The following USP22 variants were observed in gnomAD, a reference collection of about 807,000 sequenced individuals.
USP22 encodes ubiquitin specific peptidase 22, also known as ubiquitin carboxyl-terminal hydrolase 22.
A neutral mutation model predicts 68.1 loss-of-function variants in USP22; 22 were observed. The observed-to-expected ratio is 0.32, with a 90% CI of 0.23 to 0.46. The LOEUF (loss-of-function observed/expected upper bound fraction) is 0.46, where lower values mean the gene tolerates loss of function less well. USP22 is among the 20% of genes least tolerant of loss of function. The probability of loss-of-function intolerance (pLI) is 1.00; values close to 1 mark genes in which losing one functional copy is unlikely to be tolerated. For missense variants in USP22, 433 were observed against 695.8 expected (o/e 0.62, Z 4.25); for synonymous variants, 279 against 274.2 (o/e 1.02, Z -0.17).
chr17:21,017,982 C>T lies in USP22; in HGVS notation c.650G>A (p.Ser217Asn). ...DRHRCEMQSP[S>N]SCLVCEMSSL... Reference sequence around the variant, plus strand: ...GGACATCTCACAGACCAGACAGGAGCTGGGGCTCTGCATCTCACAGCGGTG... The same window carrying T: ...GGACATCTCACAGACCAGACAGGAGTTGGGGCTCTGCATCTCACAGCGGTG... Residue 217 changes from serine to asparagine, a missense_variant, in exon 5 of 13, where the codon AGC (serine) becomes AAC (asparagine). By Grantham distance (46) the Ser-to-Asn change is conservative. Coordinates refer to ENST00000261497, the MANE Select transcript of USP22 (RefSeq NM_015276.2). 1.2e-6 allele frequency: 2 copies of T among 1,614,164 alleles called. No homozygotes were observed. The highest frequency in any genetic ancestry group is 4.5e-5 in the East Asian group (2 of 44,880).
At chr17:21,041,542 G>A (rs981354421) in intron 1 of USP22, among the ~76,000 whole-genome samples, 71 of 152,292 alleles carry the variant, frequency 4.7e-4, no homozygotes, top group African/African-American at 1.2e-3. Flanking sequence ...AGATTGTAGT[G>A]AGCCGAAATC....
chr17:21,037,070 G>A (rs1475277892), intron 1 of USP22, among the ~76,000 whole-genome samples: 3 of 152,344 alleles, frequency 2.0e-5, no homozygotes, highest in African/African-American at 4.8e-5. Context: ...AAGGGACACC[G>A]GAGCCAGCTG....
chr17:21,001,042 CAAAAAAA>C lies in USP22; in HGVS notation c.*1982_*1988del, dbSNP rs776556311. The C allele has an allele frequency of 9.2e-6, 1 of 108,872 alleles. No homozygotes were observed. The highest frequency in any genetic ancestry group is 3.4e-4 in the South Asian group (1 of 2,980). The allele number at this position is 108,872 out of a possible 1,614,324, so 6.7% of individuals were successfully genotyped here. ...CCAGCCTGGGCAACAAACTCCATCT[CAAAAAAA>C]AAAAAAAAAAGACTGCACATCCTCA... On this transcript the variant is annotated 3_prime_UTR_variant, in exon 13 of 13. Transcript: ENST00000261497.
chr17:21,028,153 C>T (rs1972245065), intron 2 of USP22, among the ~76,000 whole-genome samples: 1 of 152,162 alleles, frequency 6.6e-6, no homozygotes, highest in South Asian at 2.1e-4. Context: ...ATAAAATCAC[C>T]TATGCCCACC....
intron 5 of USP22, 126 bp from the exon 6 acceptor site, chr17:21,016,025 G>A (rs769000433): frequency 1.9e-5 from 23 of 1,239,082 alleles, no homozygotes; most frequent in African/African-American, 3.1e-5. Flanking sequence ...CAAATGTTTG[G>A]ATTTTACTTT....
At chr17:21,036,930 G>A (rs984744681) in intron 1 of USP22, among the ~76,000 whole-genome samples, 34 of 152,084 alleles carry the variant, frequency 2.2e-4, no homozygotes, top group African/African-American at 8.0e-4. Context: ...AAGAAACTAG[G>A]GATCCTTGGA....
chr17:21,032,922 C>CAAAAAAAAAAAAAAA (rs753804890), intron 1 of USP22, among the ~76,000 whole-genome samples: 15 of 91,570 alleles, frequency 1.6e-4, no homozygotes, highest in African/African-American at 8.1e-4. Flanking sequence ...GACCCTGTCT[C>CAAAAAAAAAAAAAAA]AAAAAAAAAA....
At chr17:21,003,118 G>T (rs1231100485) in intron 12 of USP22, 45 bp from the exon 13 acceptor site, 1 of 1,610,418 alleles carries the variant, frequency 6.2e-7, no homozygotes, top group Non-Finnish European at 8.5e-7. Context: ...TAACTCCTAA[G>T]ACAGGAGCCA....
chr17:21,025,862 G>A (rs1043511632), intron 2 of USP22, among the ~76,000 whole-genome samples: 2 of 152,230 alleles, frequency 1.3e-5, no homozygotes, highest in Non-Finnish European at 2.9e-5. Context: ...GCAGTGATCT[G>A]TTAACGACGC....
intron 2 of USP22, among the ~76,000 whole-genome samples, chr17:21,023,019 G>A (rs1209260885): frequency 6.6e-6 from 1 of 152,150 alleles, no homozygotes; most frequent in Non-Finnish European, 1.5e-5. Context: ...AGATCATGTC[G>A]TTTGCAGGAA....
intron 9 of USP22, 64 bp from the exon 10 acceptor site, chr17:21,007,051 C>A (rs9907786): frequency 0.29 from 414,730 of 1,422,410 alleles, 62,875 homozygotes; most frequent in Middle Eastern, 0.37. Context: ...CTGGAAGCTT[C>A]AGGGCCTTCT....
intron 1 of USP22, among the ~76,000 whole-genome samples, chr17:21,035,169 T>C (rs1391565482): frequency 6.6e-6 from 1 of 152,222 alleles, no homozygotes; most frequent in African/African-American, 2.4e-5. Flanking sequence ...ATTACACATG[T>C]ATGGGGAGCA....
intron 5 of USP22, 133 bp downstream of exon 5, chr17:21,017,809 G>A: frequency 8.7e-7 from 1 of 1,147,068 alleles, no homozygotes; most frequent in Non-Finnish European, 1.2e-6. Context: ...TAATAGACAT[G>A]TATATTAAAC....
At chr17:21,033,879 T>G (rs1040690996) in intron 1 of USP22, among the ~76,000 whole-genome samples, 3 of 151,476 alleles carry the variant, frequency 2.0e-5, no homozygotes, top group Admixed American at 1.3e-4. Context: ...CTCCCGAGTA[T>G]CTGGGACTAC....
chr17:21,020,279 A>C (rs1157790664), intron 3 of USP22, among the ~76,000 whole-genome samples: 1 of 149,674 alleles, frequency 6.7e-6, no homozygotes, highest in Non-Finnish European at 1.5e-5. Flanking sequence ...AGGAAAAAAA[A>C]CTCAGGGAAG....
rs770457887 is a variant in USP22 at position 21,021,209 on chromosome 17, C to T, written c.322G>A (p.Gly108Arg). The T allele has an allele frequency of 1.2e-6, 2 of 1,612,468 alleles. No individual in the cohort carries two copies. The highest frequency in any genetic ancestry group is 2.2e-5 in the East Asian group (1 of 44,878). Reference sequence around the variant, plus strand: ...TGGCACAGAAAACAGTAGATGCCTCCGTACATCAGATCAATGGCTGAGGAG... The same window carrying T: ...TGGCACAGAAAACAGTAGATGCCTCTGTACATCAGATCAATGGCTGAGGAG... The part of the protein sequence containing the change: ...RHNLAIDLMY[G>R]GIYCFLCQDY... Residue 108 changes from glycine (G) to arginine (R), a missense_variant, in exon 3 of 13, where the codon GGA becomes AGA. By Grantham distance (125) the Gly-to-Arg change is moderately radical (BLOSUM62 -2). Transcript: ENST00000261497.
chr17:21,016,798 G>A (rs1972088496), intron 5 of USP22, among the ~76,000 whole-genome samples: 1 of 152,182 alleles, frequency 6.6e-6, no homozygotes, highest in Non-Finnish European at 1.5e-5. Flanking sequence ...GGAGGGGCAC[G>A]AGGGAGTTCG....
upstream of USP22, chr17:21,043,303 C>CCCCCCCCCCCCCCCCCCCG (rs1567596626): frequency 1.9e-5 from 1 of 53,672 alleles, no homozygotes; most frequent in African/African-American, 7.0e-5. Context: ...TAGGCCACCC[C>CCCCCCCCCCCCCCCCCCCG]CCCCCCCCCC....
At chr17:21,038,441 G>C in intron 1 of USP22, among the ~76,000 whole-genome samples, 1 of 150,690 alleles carries the variant, frequency 6.6e-6, no homozygotes, top group South Asian at 2.1e-4. Flanking sequence ...AGGCCAAGGA[G>C]AGAGGATCAC....
Sources: allele counts gnomAD v4.1 joint callset (sites outside exome capture counted in the v4.1 genomes callset), GRCh38; gene constraint gnomAD v4.1.1; transcripts MANE v1.5; gene names NCBI Gene and HGNC (gene_info 2026-07-23, HGNC 2026-07-21).